Variants in KALRN observed in about 807,000 individuals in gnomAD.
KALRN encodes the protein kalirin.
KALRN carries 70 observed loss-of-function variants against 353.7 expected under a neutral mutation model. The observed-to-expected ratio is 0.20, with a 90% CI of 0.16 to 0.24. KALRN has a LOEUF of 0.24. KALRN is among the 10% of genes least tolerant of loss of function. The pLI is 1.00. For synonymous variants in KALRN, 1,391 were observed against 1,434.8 expected, an observed-to-expected ratio of 0.97 and a Z score of 0.69; for missense variants, 2,791 against 3,756.7, an observed-to-expected ratio of 0.74 and a Z score of 6.72.
intron 34 of KALRN, among the ~76,000 whole-genome samples, chr3:124,602,560 G>A (rs960324129): frequency 6.6e-6 from 1 of 152,160 alleles, no homozygotes; most frequent in Admixed American, 6.5e-5. Flanking sequence ...CCTGTTGTAC[G>A]TGCCCAGAGG....
intron 1 of KALRN, among the ~76,000 whole-genome samples, chr3:124,040,959 G>A (rs1262954993): frequency 2.0e-5 from 3 of 152,200 alleles, no homozygotes; most frequent in Admixed American, 1.3e-4. Flanking sequence ...GGCATCAGAA[G>A]GCTAGGTTTT....
At chr3:124,482,179 G>A (rs1033389953) in intron 27 of KALRN, among the ~76,000 whole-genome samples, 1 of 152,218 alleles carries the variant, frequency 6.6e-6, no homozygotes, top group African/African-American at 2.4e-5. Flanking sequence ...GAGGAGAAAT[G>A]ACTAAAATTG....
At chr3:124,385,631 C>T (rs2088142992) in intron 11 of KALRN, among the ~76,000 whole-genome samples, 1 of 152,110 alleles carries the variant, frequency 6.6e-6, no homozygotes, top group African/African-American at 2.4e-5. Flanking sequence ...AGATGCCCTC[C>T]ACCAAGGAAG....
At chr3:124,160,350 C>T (rs1052521712) in intron 1 of KALRN, among the ~76,000 whole-genome samples, 3 of 151,918 alleles carry the variant, frequency 2.0e-5, no homozygotes, top group Non-Finnish European at 4.4e-5. Context: ...GATGGGATCT[C>T]TTGAATGTTC....
At chr3:124,330,698 A>G (rs1036701646) in intron 8 of KALRN, among the ~76,000 whole-genome samples, 17 of 152,234 alleles carry the variant, frequency 1.1e-4, no homozygotes, top group African/African-American at 4.1e-4. Context: ...GCTAACTGGC[A>G]TGAATTCTGA....
intron 1 of KALRN, among the ~76,000 whole-genome samples, chr3:124,217,808 C>T (rs2077489882): frequency 6.6e-6 from 1 of 152,104 alleles, no homozygotes; most frequent in African/African-American, 2.4e-5. Context: ...TTGGATGTGT[C>T]CCTTCTCAGC....
chr3:124,281,640 G>A (rs970786885), intron 5 of KALRN, among the ~76,000 whole-genome samples: 8 of 152,154 alleles, frequency 5.3e-5, no homozygotes, highest in African/African-American at 1.9e-4. Flanking sequence ...CCCTGTTGGA[G>A]GTGCTCTTTC....
intron 42 of KALRN, among the ~76,000 whole-genome samples, chr3:124,658,888 T>C (rs1284031051): frequency 1.3e-5 from 2 of 152,192 alleles, no homozygotes; most frequent in Non-Finnish European, 2.9e-5. Flanking sequence ...GTTGAAGGGT[T>C]TGCAGCCACT....
chr3:124,077,082 G>A (rs1283236788), intron 1 of KALRN, among the ~76,000 whole-genome samples: 3 of 152,220 alleles, frequency 2.0e-5, no homozygotes, highest in African/African-American at 7.2e-5. Context: ...GGGAGTCAGT[G>A]AAGGAGTCAG....
At chr3:124,234,678 AC>A (rs375961131) in intron 2 of KALRN, 150 bp from the exon 3 acceptor site, 59 of 620,596 alleles carry the variant, frequency 9.5e-5, no homozygotes, top group East Asian at 9.1e-4. Context: ...CTGCATCTAG[AC>A]CCCCCCACCT....
intron 1 of KALRN, chr3:124,095,777 A>G (rs1038117555): frequency 1.3e-5 from 2 of 152,166 alleles, no homozygotes; most frequent in African/African-American, 4.8e-5. Flanking sequence ...GTTGAATATT[A>G]TTTTTAAAAG....
chr3:124,384,107 A>G lies in KALRN; in HGVS notation c.1771-738A>G, dbSNP rs138490717. On this transcript the variant is annotated intron_variant, in intron 10 of 59. Coordinates refer to ENST00000682506, the MANE Select transcript of KALRN (RefSeq NM_001388419.1). Reference sequence around the variant, plus strand: ...GTGGCTCCCATCCTGATGAATAATAATTACAAGTCGGTTGCCTTTTAAAAT... The same window carrying G: ...GTGGCTCCCATCCTGATGAATAATAGTTACAAGTCGGTTGCCTTTTAAAAT... Among the ~76,000 whole-genome samples, 207 of 152,352 alleles carry G rather than the reference A, an allele frequency of 1.4e-3. 1 individual carries two copies. Among genetic ancestry groups the G allele is most frequent in the South Asian group, 4.4e-3 (21 of 4,826 alleles).
At chr3:124,056,060 A>C (rs9861921) in intron 1 of KALRN, among the ~76,000 whole-genome samples, 2,771 of 152,344 alleles carry the variant, frequency 0.018, 31 homozygotes, top group Middle Eastern at 0.034. Context: ...GCCTTTGTGC[A>C]GATTAAGAAC....
At chr3:124,710,334 A>C (rs920652592) in intron 57 of KALRN, among the ~76,000 whole-genome samples, 1 of 152,204 alleles carries the variant, frequency 6.6e-6, no homozygotes, top group Non-Finnish European at 1.5e-5. Context: ...GCAGGGACAG[A>C]GGGAGGAAGG....
At chr3:124,422,701 G>A in intron 14 of KALRN, 111 bp from the exon 15 acceptor site, 1 of 815,328 alleles carries the variant, frequency 1.2e-6, no homozygotes, top group East Asian at 2.6e-5. Flanking sequence ...GGGTTTGGGA[G>A]GGTATGAATA....
At chr3:124,620,040 A>G (rs1272325711) in intron 34 of KALRN, among the ~76,000 whole-genome samples, 1 of 151,314 alleles carries the variant, frequency 6.6e-6, no homozygotes, top group East Asian at 1.9e-4. Context: ...CCCTTTCTTC[A>G]GTCTGAATTT....
intron 5 of KALRN, among the ~76,000 whole-genome samples, chr3:124,286,685 A>G (rs886859879): frequency 6.6e-6 from 1 of 152,186 alleles, no homozygotes; most frequent in Non-Finnish European, 1.5e-5. Context: ...TGTTCATACA[A>G]TTCTTTTTAT....
At chr3:124,270,339 G>A (rs759487537) in intron 5 of KALRN, among the ~76,000 whole-genome samples, 22 of 152,054 alleles carry the variant, frequency 1.4e-4, no homozygotes, top group Admixed American at 2.6e-4. Flanking sequence ...TGATGAAATC[G>A]AGATCTTCAG....
intron 51 of KALRN, among the ~76,000 whole-genome samples, chr3:124,692,522 T>C (rs1246291282): frequency 1.3e-5 from 2 of 152,220 alleles, no homozygotes; most frequent in African/African-American, 2.4e-5. Context: ...AGTTGGGCTA[T>C]TTTGTAAGGC....
Sources: gnomAD v4.1 joint callset for allele counts (sites outside exome capture counted in the v4.1 genomes callset) on GRCh38, gnomAD v4.1.1 for gene constraint, MANE v1.5 for transcripts, NCBI Gene and HGNC (gene_info 2026-07-23, HGNC 2026-07-21) for gene names.